Variants in ADGRF5 observed in about 807,000 individuals in gnomAD.
ADGRF5 encodes the protein G-protein coupled receptor 116.
A neutral mutation model predicts 132.3 loss-of-function variants in ADGRF5; 75 were observed. The ratio of observed to expected loss-of-function variants is 0.57; its 90% CI spans 0.47 to 0.69. ADGRF5 has a LOEUF of 0.69. ADGRF5 is among the 30% of genes least tolerant of loss of function. ADGRF5 has a pLI of 0.00. For synonymous variants in ADGRF5, 629 were observed against 597.6 expected (o/e 1.05, Z -0.77); for missense variants, 1,516 against 1,630.6 (o/e 0.93, Z 1.21).
At chr6:46,870,774 A>T (rs993420047) in intron 11 of ADGRF5, 2 of 414,716 alleles carry the variant, frequency 4.8e-6, no homozygotes, top group African/African-American at 4.2e-5. Context: ...AGTTTTGTGG[A>T]TAGAGGTAAA....
At chr6:46,889,922 C>A (rs990763051) in intron 3 of ADGRF5, among the ~76,000 whole-genome samples, 6 of 151,900 alleles carry the variant, frequency 3.9e-5, no homozygotes, top group Non-Finnish European at 5.9e-5. Context: ...GCAAAGAGCT[C>A]ACCACATTAT....
intron 3 of ADGRF5, among the ~76,000 whole-genome samples, chr6:46,889,297 C>A (rs1404269421): frequency 7.0e-6 from 1 of 142,838 alleles, no homozygotes; most frequent in Non-Finnish European, 1.5e-5. Flanking sequence ...ATATATAGTA[C>A]AGTATATATA....
At chr6:46,920,526 TG>T (rs1554212961) in intron 1 of ADGRF5, among the ~76,000 whole-genome samples, 1,221 of 102,166 alleles carry the variant, frequency 0.012, 29 homozygotes, top group African/African-American at 0.041. Context: ...GAATAATATT[TG>T]GGGGGGGGGA....
At position 46,863,104 on chromosome 6, in the gene ADGRF5, G is replaced by C. The variant is rs1186830835; in HGVS notation, c.1991-8C>G. ...GGCATGTGATGTTTTCCCCTGTGTTGGAAACATTGAAATAAAGGGATAATT... is the reference window on the plus strand; with the variant it reads ...GGCATGTGATGTTTTCCCCTGTGTTCGAAACATTGAAATAAAGGGATAATT... On this transcript the variant is annotated splice_region_variant and splice_polypyrimidine_tract_variant and intron_variant, in intron 14 of 20. Coordinates refer to ENST00000283296, the MANE Select transcript of ADGRF5 (RefSeq NM_001098518.2). 1 of 1,603,152 alleles carries C rather than the reference G, an allele frequency of 6.2e-7. No individual in the cohort carries two copies. The highest frequency in any genetic ancestry group is 8.5e-7 in the Non-Finnish European group (1 of 1,170,140).
At chr6:46,875,144 C>T (rs141896980) in intron 10 of ADGRF5, among the ~76,000 whole-genome samples, 42 of 152,280 alleles carry the variant, frequency 2.8e-4, no homozygotes, top group African/African-American at 9.9e-4. Context: ...AGAACAATAA[C>T]TACTTTTGTT....
intron 3 of ADGRF5, among the ~76,000 whole-genome samples, chr6:46,898,719 G>A (rs1348535073): frequency 6.6e-6 from 1 of 152,164 alleles, no homozygotes; most frequent in Non-Finnish European, 1.5e-5. Flanking sequence ...CCTCCACTCT[G>A]ATCTTAGGGT....
chr6:46,894,190 A>C (rs1466547474), intron 3 of ADGRF5, among the ~76,000 whole-genome samples: 2 of 152,160 alleles, frequency 1.3e-5, no homozygotes, highest in Non-Finnish European at 2.9e-5. Context: ...ATATCAAAAG[A>C]TACCTACCAT....
chr6:46,934,332 A>G (rs76455144), intron 1 of ADGRF5, among the ~76,000 whole-genome samples: 3 of 152,190 alleles, frequency 2.0e-5, no homozygotes, highest in Non-Finnish European at 4.4e-5. Flanking sequence ...TGACACTTGG[A>G]CCAGATCTTT....
intron 10 of ADGRF5, among the ~76,000 whole-genome samples, chr6:46,872,447 A>G (rs1771184683): frequency 6.6e-6 from 1 of 152,226 alleles, no homozygotes; most frequent in Non-Finnish European, 1.5e-5. Context: ...CTGTTTGGGT[A>G]TGATTTAACT....
At chr6:46,875,980 C>T (rs1239246514) in intron 10 of ADGRF5, among the ~76,000 whole-genome samples, 2 of 152,220 alleles carry the variant, frequency 1.3e-5, no homozygotes, top group African/African-American at 2.4e-5. Context: ...TATTTCCTTT[C>T]CGTCTCATCC....
chr6:46,902,994 CCT>C (rs1490899579), intron 2 of ADGRF5, among the ~76,000 whole-genome samples: 1 of 152,186 alleles, frequency 6.6e-6, no homozygotes, highest in Non-Finnish European at 1.5e-5. Context: ...TCCCTCGAAT[CCT>C]CTGTTTCTTA....
At chr6:46,855,317 C>G (rs1471610601) in intron 20 of ADGRF5, among the ~76,000 whole-genome samples, 1 of 152,170 alleles carries the variant, frequency 6.6e-6, no homozygotes, top group Non-Finnish European at 1.5e-5. Flanking sequence ...TTACTATAAT[C>G]CATGTACCAT....
At chr6:46,888,597 G>C in intron 3 of ADGRF5, 92 bp from the exon 4 acceptor site, 2 of 842,336 alleles carry the variant, frequency 2.4e-6, no homozygotes, top group Non-Finnish European at 4.0e-6. Flanking sequence ...GGTAATGACA[G>C]GTACATGTGA....
At chr6:46,947,220 G>A (rs1778330847) in intron 1 of ADGRF5, among the ~76,000 whole-genome samples, 1 of 152,116 alleles carries the variant, frequency 6.6e-6, no homozygotes, top group East Asian at 1.9e-4. Flanking sequence ...AAGGTGAAAA[G>A]CAACTATAAT....
chr6:46,919,246 G>T (rs528584189), intron 1 of ADGRF5, among the ~76,000 whole-genome samples: 3 of 152,046 alleles, frequency 2.0e-5, no homozygotes, highest in African/African-American at 7.2e-5. Flanking sequence ...AAAAAAAATG[G>T]GGCTGCAAAG....
At chr6:46,878,642 CT>C (rs1234030331) in intron 9 of ADGRF5, among the ~76,000 whole-genome samples, 1 of 151,888 alleles carries the variant, frequency 6.6e-6, no homozygotes, top group African/African-American at 2.4e-5. Flanking sequence ...ATTTTAGGGA[CT>C]TTTCTAATAA....
chr6:46,883,605 G>A lies in ADGRF5; in HGVS notation c.566C>T (p.Thr189Ile). ...GTAGGACCTATAGAGGGCGGAGGAAGTGTTCATGAGGTCTTCTTGAAAGCC... is the reference window on the plus strand; with the variant it reads ...GTAGGACCTATAGAGGGCGGAGGAAATGTTCATGAGGTCTTCTTGAAAGCC... ...NVGFQEDLMN[T>I]SSALYRSYKT... The change falls in exon 6 of 21, where the codon ACT becomes ATT. Residue 189 changes from threonine (T) to isoleucine (I), a missense_variant. By Grantham distance (89) the Thr-to-Ile change is moderately conservative. Around this residue, in one of 2 missense-constraint regions of ADGRF5, gnomAD observed 945 missense variants for 929.4 expected, o/e 1.02. Coordinates refer to ENST00000283296, the MANE Select transcript of ADGRF5 (RefSeq NM_001098518.2). The A allele has an allele frequency of 6.2e-7, 1 of 1,608,946 alleles. No homozygotes were observed. Among genetic ancestry groups the A allele is most frequent in the African/African-American group, 1.3e-5 (1 of 74,662 alleles).
At chr6:46,912,643 T>A (rs971305310) in intron 1 of ADGRF5, among the ~76,000 whole-genome samples, 6 of 152,082 alleles carry the variant, frequency 3.9e-5, no homozygotes, top group African/African-American at 1.4e-4. Context: ...AAAGGTCCAG[T>A]TAAGAAACAT....
chr6:46,871,940 G>T lies in ADGRF5; in HGVS notation c.1314C>A (p.Ser438Arg), dbSNP rs753069678. ...TLKADGTQCPSGSSGTTVIYT... is the reference protein window; with the variant it reads ...TLKADGTQCPRGSSGTTVIYT... ...AGATGACTGTTGTTCCAGACGACCC[G>T]CTTGGGCACTGGGTTCCATCAGCCT... The change falls in exon 11 of 21, where the codon AGC (serine) becomes AGA (arginine). Residue 438 changes from serine (S) to arginine (R), a missense_variant. This residue lies in a region of ADGRF5 where 945 missense variants were observed against 929.4 expected (regional missense o/e 1.02). Transcript: ENST00000283296. The T allele has an allele frequency of 8.1e-6, 13 of 1,611,890 alleles. No individual in the cohort carries two copies. The highest frequency in any genetic ancestry group is 2.7e-5 in the African/African-American group (2 of 74,778).
Sources: gnomAD v4.1 joint callset for allele counts (sites outside exome capture counted in the v4.1 genomes callset) on GRCh38, gnomAD v4.1.1 for gene constraint, gnomAD v4.1.1 regional missense constraint, MANE v1.5 for transcripts, NCBI Gene and HGNC (gene_info 2026-07-23, HGNC 2026-07-21) for gene names.